The following PHF21A variants were observed in gnomAD, a reference collection of about 807,000 sequenced individuals.
PHF21A encodes BHC80a.
PHF21A carries 11 observed loss-of-function variants against 82.5 expected under a neutral mutation model. That is an observed-to-expected ratio of 0.13 (90% CI 0.08 to 0.22). The LOEUF is 0.22. Among genes scored for constraint, PHF21A ranks in the 10% least tolerant of loss-of-function variants. PHF21A has a pLI of 1.00. For missense variants in PHF21A, 579 were observed against 837.8 expected (o/e 0.69, Z 3.81); for synonymous variants, 297 against 302.8 (o/e 0.98, Z 0.20).
intron 1 of PHF21A, among the ~76,000 whole-genome samples, chr11:46,103,448 A>C (rs2097121328): frequency 6.6e-6 from 1 of 152,242 alleles, no homozygotes; most frequent in South Asian, 2.1e-4. Flanking sequence ...GCTTAGTTTT[A>C]AAAATATTTG....
intron 6 of PHF21A, among the ~76,000 whole-genome samples, chr11:46,006,950 CA>C (rs1483055925): frequency 2.0e-5 from 3 of 152,168 alleles, no homozygotes; most frequent in Non-Finnish European, 4.4e-5. Flanking sequence ...TTAAAGATAA[CA>C]ATAACAAGAG....
At chr11:46,104,747 G>A (rs2097135560) in intron 1 of PHF21A, among the ~76,000 whole-genome samples, 1 of 152,130 alleles carries the variant, frequency 6.6e-6, no homozygotes, top group Non-Finnish European at 1.5e-5. Flanking sequence ...TGAACCCTAG[G>A]AGGCTGGTAT....
chr11:45,989,504 A>AC (rs2094604956), intron 6 of PHF21A, among the ~76,000 whole-genome samples: 1 of 148,312 alleles, frequency 6.7e-6, no homozygotes, highest in Admixed American at 6.7e-5. Context: ...AAAAAAAAAA[A>AC]AAAAAATACA....
intron 1 of PHF21A, among the ~76,000 whole-genome samples, chr11:46,118,451 G>A (rs562332988): frequency 3.4e-5 from 5 of 145,502 alleles, no homozygotes; most frequent in African/African-American, 7.6e-5. Context: ...TGGAATATTC[G>A]TAACATGTTA....
intron 14 of PHF21A, among the ~76,000 whole-genome samples, chr11:45,947,076 A>G (rs1319888224): frequency 1.3e-5 from 2 of 152,188 alleles, no homozygotes. Context: ...GGCTGTTTAA[A>G]AGTCTCAGGA....
chr11:45,990,401 C>T (rs907084177), intron 6 of PHF21A, among the ~76,000 whole-genome samples: 1 of 151,554 alleles, frequency 6.6e-6, no homozygotes, highest in South Asian at 2.1e-4. Context: ...TGGGACTACA[C>T]GAATGCACCA....
chr11:46,019,378 T>C (rs963219824), intron 6 of PHF21A, among the ~76,000 whole-genome samples: 4 of 152,264 alleles, frequency 2.6e-5, no homozygotes, highest in East Asian at 3.9e-4. Context: ...CTAACTTTCA[T>C]TGGTAAGCAT....
At chr11:45,993,587 C>G (rs2959100) in intron 6 of PHF21A, among the ~76,000 whole-genome samples, 88,848 of 150,996 alleles carry the variant, frequency 0.59, 29,247 homozygotes, top group African/African-American at 0.89. Context: ...TTCTGGGGCT[C>G]ACAGGAGGTT....
intron 6 of PHF21A, among the ~76,000 whole-genome samples, chr11:46,029,659 G>A (rs1442739295): frequency 7.0e-6 from 1 of 143,618 alleles, no homozygotes; most frequent in Non-Finnish European, 1.5e-5. Flanking sequence ...CTGCACTAGA[G>A]CCTCCGTCTC....
In PHF21A at chr11:46,014,994, A is replaced by T. The variant is rs867608912; in HGVS notation, c.154-35028T>A. On this transcript the variant is annotated intron_variant, in intron 6 of 18. Transcript: ENST00000676320. The stretch of plus-strand genomic sequence containing the variant: ...GACTCCGTCTCAAAAAAAAAAAAAA[A>T]TAAAAATAAAAAAATAAAAAAAAAT... Among the ~76,000 whole-genome samples, 160 of 142,598 alleles carry T rather than the reference A, an allele frequency of 1.1e-3. 61 individuals are homozygous for T. Among genetic ancestry groups the T allele is most frequent in the South Asian group, 3.8e-3 (17 of 4,434 alleles). 93.5% of individuals were successfully genotyped at this position (142,598 alleles called of 152,430 possible). A position where few individuals can be genotyped will look rare whatever the true frequency, so the allele number is the denominator to read the frequency against.
At chr11:46,113,803 T>C (rs976942025) in intron 1 of PHF21A, among the ~76,000 whole-genome samples, 12 of 147,212 alleles carry the variant, frequency 8.2e-5, no homozygotes, top group Admixed American at 6.2e-4. Flanking sequence ...TCCAGCCTGG[T>C]GACAGTGTGA....
intron 6 of PHF21A, among the ~76,000 whole-genome samples, chr11:45,998,661 C>T (rs903383443): frequency 8.6e-5 from 13 of 151,298 alleles, no homozygotes; most frequent in Admixed American, 5.9e-4. Flanking sequence ...TACAGGTATG[C>T]GCCACCATGC....
chr11:45,989,094 C>T (rs1188986574), intron 6 of PHF21A, among the ~76,000 whole-genome samples: 1 of 152,156 alleles, frequency 6.6e-6, no homozygotes, highest in African/African-American at 2.4e-5. Context: ...CAAGTGCAGC[C>T]TGCCAAAATA....
At chr11:45,970,878 C>T (rs901446956) in intron 8 of PHF21A, 2 of 508,198 alleles carry the variant, frequency 3.9e-6, no homozygotes, top group Non-Finnish European at 7.0e-6. Flanking sequence ...AAAATCAAGT[C>T]ATACTTTGAC....
intron 1 of PHF21A, among the ~76,000 whole-genome samples, chr11:46,105,274 C>T (rs1324141569): frequency 6.6e-6 from 1 of 152,142 alleles, no homozygotes; most frequent in Non-Finnish European, 1.5e-5. Context: ...TACATGAAAA[C>T]AAAACTTTTA....
intron 6 of PHF21A, among the ~76,000 whole-genome samples, chr11:46,076,085 G>A (rs1005528384): frequency 1.3e-5 from 2 of 152,198 alleles, no homozygotes; most frequent in African/African-American, 4.8e-5. Context: ...TTTACTTATA[G>A]CTCTATCAAT....
intron 6 of PHF21A, among the ~76,000 whole-genome samples, chr11:45,999,785 G>A (rs977778328): frequency 6.6e-6 from 1 of 152,196 alleles, no homozygotes; most frequent in South Asian, 2.1e-4. Context: ...GAGAATTTAT[G>A]TATCCCAGTG....
intron 1 of PHF21A, among the ~76,000 whole-genome samples, chr11:46,092,733 T>C (rs1655981127): frequency 6.6e-6 from 1 of 151,788 alleles, no homozygotes. Flanking sequence ...ATTAAACTTT[T>C]TTTCACATTC....
At chr11:46,087,289 C>T (rs2135354413) in intron 3 of PHF21A, among the ~76,000 whole-genome samples, 1 of 152,304 alleles carries the variant, frequency 6.6e-6, no homozygotes. Flanking sequence ...CAGGGTTTAA[C>T]TTGAAGACTG....
Sources: allele counts gnomAD v4.1 joint callset (sites outside exome capture counted in the v4.1 genomes callset), GRCh38; gene constraint gnomAD v4.1.1; transcripts MANE v1.5; gene names NCBI Gene and HGNC (gene_info 2026-07-23, HGNC 2026-07-21).